GRIK3: variants seen among roughly 807,000 people sequenced by gnomAD.
GRIK3 encodes glutamate receptor ionotropic, kainate 3.
Under a neutral mutation model 102.5 loss-of-function variants are expected in GRIK3, and 29 were observed. The observed-to-expected ratio is 0.28, with a 90% CI of 0.21 to 0.39. GRIK3 has a LOEUF of 0.39. GRIK3 is among the 10% of genes least tolerant of loss of function. GRIK3 has a pLI of 1.00. For synonymous variants in GRIK3, 511 were observed against 504.9 expected, an observed-to-expected ratio of 1.01 and a Z score of -0.16; for missense variants, 908 against 1,252.4, an observed-to-expected ratio of 0.73 and a Z score of 4.15.
chr1:36,912,434 C>T (rs533126051), intron 1 of GRIK3, among the ~76,000 whole-genome samples: 1 of 152,188 alleles, frequency 6.6e-6, no homozygotes, highest in East Asian at 1.9e-4. Flanking sequence ...CCCCTCCTCC[C>T]CCCTCTGCTG....
chr1:36,872,269 C>A lies in GRIK3; in HGVS notation c.651G>T (p.Leu217Phe), dbSNP rs755539824. 4.4e-5 allele frequency: 71 copies of A among 1,613,130 alleles called. No individual in the cohort carries two copies. Among genetic ancestry groups the A allele is most frequent in the Non-Finnish European group, 5.4e-5 (64 of 1,179,636 alleles). Residue 217 changes from leucine (L) to phenylalanine (F), a missense_variant, in exon 4 of 16, where the codon TTG becomes TTT. Physicochemically the swap from Leu to Phe is conservative, Grantham distance 22. Coordinates refer to ENST00000373091, the MANE Select transcript of GRIK3 (RefSeq NM_000831.4). This position sits in a 1 kb window ranked among gnomAD's most constrained non-coding sequence, Gnocchi z 5.9. ...CCCGGCCTCGCTTCATCTCCTTGAG[C>A]AAGGGGCGCGAGTCGTCAGAGTCGA... ...LPIDSDDSRP[L>F]LKEMKRGREF...
chr1:37,032,107 A>G (rs1482541028), intron 1 of GRIK3, among the ~76,000 whole-genome samples: 1 of 152,224 alleles, frequency 6.6e-6, no homozygotes, highest in Non-Finnish European at 1.5e-5. Flanking sequence ...TAATTTCATT[A>G]TTACACGCTG....
intron 1 of GRIK3, among the ~76,000 whole-genome samples, chr1:37,011,442 C>T (rs115293312): frequency 1.4e-3 from 212 of 152,352 alleles, no homozygotes; most frequent in Non-Finnish European, 2.5e-3. Context: ...CTCAGTTCAT[C>T]TCTTCCACAA....
Position 36,859,222 on chromosome 1 carries a change from G to T in GRIK3, c.990C>A (p.Val330=). 6.2e-7 allele frequency: 1 copy of T among 1,613,500 alleles called. No homozygotes were observed. ...MTDAALLYDA[V]HIVSVCYQRA... ...GCTGGTAGCACACGGACACGATATG[G>T]ACGGCGTCGTACAGTAAGGCTGCAT... Residue 330 remains valine (V), a synonymous_variant, in exon 7 of 16, where the codon GTC becomes GTA. Coordinates refer to ENST00000373091, the MANE Select transcript of GRIK3 (RefSeq NM_000831.4).
intron 1 of GRIK3, among the ~76,000 whole-genome samples, chr1:36,980,030 T>A (rs1037891722): frequency 6.6e-6 from 1 of 152,214 alleles, no homozygotes. Context: ...CAAGCTCACA[T>A]ATTCCCGAGT....
chr1:37,007,026 G>C (rs1021795129), intron 1 of GRIK3, among the ~76,000 whole-genome samples: 1 of 152,182 alleles, frequency 6.6e-6, no homozygotes, highest in Non-Finnish European at 1.5e-5. Context: ...GCTGTGCAAG[G>C]CTCTTAGATG....
At chr1:36,901,409 A>G (rs1398975852) in intron 1 of GRIK3, among the ~76,000 whole-genome samples, 1 of 152,210 alleles carries the variant, frequency 6.6e-6, no homozygotes, top group Non-Finnish European at 1.5e-5. Context: ...AATCCATTAT[A>G]TCAGTATCAA....
At chr1:36,923,130 G>A (rs886668336) in intron 1 of GRIK3, among the ~76,000 whole-genome samples, 10 of 152,228 alleles carry the variant, frequency 6.6e-5, no homozygotes, top group Non-Finnish European at 1.2e-4. Context: ...CAGTCGAGTG[G>A]CAAAGAAATA....
intron 13 of GRIK3, among the ~76,000 whole-genome samples, chr1:36,809,355 C>T (rs1343893129): frequency 1.3e-5 from 2 of 152,112 alleles, no homozygotes; most frequent in Non-Finnish European, 2.9e-5. Flanking sequence ...ATCCATCTAT[C>T]CAACCATCTA....
rs192551674 is a variant in GRIK3 at position 36,806,035 on chromosome 1, G to A, written c.2314+69C>T. The A allele has an allele frequency of 3.0e-6, 3 of 984,220 alleles. No individual in the cohort carries two copies. Among genetic ancestry groups the A allele is most frequent in the African/African-American group, 1.6e-5 (1 of 62,728 alleles). The allele number at this position is 984,220 out of a possible 1,614,324, so 61.0% of individuals were successfully genotyped here. ...GAATGAGCTGTGAGACGGAGTGTGA[G>A]GGGACGCGGGGGTGGAGCCCTCCCT... On this transcript the variant is annotated intron_variant, in intron 14 of 15. Coordinates refer to ENST00000373091, the MANE Select transcript of GRIK3 (RefSeq NM_000831.4). This position sits in a 1 kb window ranked among gnomAD's most constrained non-coding sequence, Gnocchi z 4.0.
intron 1 of GRIK3, among the ~76,000 whole-genome samples, chr1:36,910,415 C>T (rs1014158163): frequency 6.6e-6 from 1 of 152,272 alleles, no homozygotes; most frequent in Non-Finnish European, 1.5e-5. Context: ...GTTCTCTTTG[C>T]TTCCTGCCAG....
chr1:36,806,216 G>C lies in GRIK3; in HGVS notation c.2202C>G (p.Tyr734Ter). ...EGIQRALTAD[Y>*]ALLMESTTIE... The stretch of plus-strand genomic sequence containing the variant: ...TGGTGGTGGACTCCATGAGCAGCGC[G>C]TAGTCGGCCGTCAGGGCCCTCTGGA... The change falls in exon 14 of 16, where the codon TAC (tyrosine) becomes TAG (stop). Residue 734 changes from tyrosine to a stop codon, truncating the protein, a stop_gained. Coordinates refer to ENST00000373091, the MANE Select transcript of GRIK3 (RefSeq NM_000831.4). LOFTEE classifies it high-confidence loss of function. The surrounding 1 kb of genome is among the most constrained non-coding windows in gnomAD (Gnocchi z 4.0). The C allele has an allele frequency of 6.2e-7, 1 of 1,614,040 alleles. No homozygotes were observed. Among genetic ancestry groups the C allele is most frequent in the South Asian group, 1.1e-5 (1 of 91,088 alleles).
At chr1:36,893,469 A>G (rs1025702537) in intron 1 of GRIK3, among the ~76,000 whole-genome samples, 3 of 152,262 alleles carry the variant, frequency 2.0e-5, no homozygotes, top group Admixed American at 6.5e-5. Context: ...AAATAAACTC[A>G]ATTTAAACCA....
intron 1 of GRIK3, among the ~76,000 whole-genome samples, chr1:36,892,599 C>T (rs536488522): frequency 1.3e-5 from 2 of 151,018 alleles, no homozygotes; most frequent in Admixed American, 6.6e-5. Flanking sequence ...GTAAAGTTCA[C>T]GTGTAGAGGT....
intron 1 of GRIK3, among the ~76,000 whole-genome samples, chr1:36,906,954 A>C (rs1570791692): frequency 6.6e-6 from 1 of 152,222 alleles, no homozygotes; most frequent in East Asian, 1.9e-4. Context: ...AAGATGATGA[A>C]TATCCTAAGT....
rs371692662 is a variant in GRIK3, at chr1:36,841,816, G to A, written c.1450C>T (p.Arg484Trp). ...AHILGFSYEI[R>W]LVEDGKYGAQ... is the part of the protein sequence containing the mutation. ...CCGTACTTGCCGTCCTCCACCAGCCGGATCTCATAGGAGAAACCAAGGATG... is the reference window on the plus strand; with the variant it reads ...CCGTACTTGCCGTCCTCCACCAGCCAGATCTCATAGGAGAAACCAAGGATG... The change falls in exon 10 of 16, where the codon CGG (arginine) becomes TGG (tryptophan). Residue 484 changes from arginine (R) to tryptophan (W), a missense_variant. Physicochemically the swap from Arg to Trp is moderately radical, Grantham distance 101. Coordinates refer to ENST00000373091, the MANE Select transcript of GRIK3 (RefSeq NM_000831.4). 10 of 1,614,128 alleles carry A rather than the reference G, an allele frequency of 6.2e-6. No individual in the cohort carries two copies. The East Asian group carries it at 6.7e-5, about 11-fold the overall frequency.
chr1:36,955,517 A>G (rs1396793729), intron 1 of GRIK3, among the ~76,000 whole-genome samples: 1 of 152,170 alleles, frequency 6.6e-6, no homozygotes, highest in Non-Finnish European at 1.5e-5. Flanking sequence ...GACACAGCAC[A>G]CACAGACATA....
chr1:37,030,848 G>A (rs1642819568), intron 1 of GRIK3, among the ~76,000 whole-genome samples: 1 of 152,088 alleles, frequency 6.6e-6, no homozygotes, highest in African/African-American at 2.4e-5. Context: ...AACCATTAAG[G>A]CCAACCAAAT....
In GRIK3 at chr1:36,911,026, C is replaced by T. The variant is rs546461926; in HGVS notation, c.116-19930G>A. Among the ~76,000 whole-genome samples, 6 of 152,202 alleles carry T rather than the reference C, an allele frequency of 3.9e-5. No individual in the cohort carries two copies. In the East Asian group the frequency reaches 5.8e-4, roughly 15 times the overall value. ...TGGGGGAGGCAGCACCTGACCTGCT[C>T]GGAGCTGAGCTGTGGAAGGAACACA... On this transcript the variant is annotated intron_variant, in intron 1 of 15. Coordinates refer to ENST00000373091, the MANE Select transcript of GRIK3 (RefSeq NM_000831.4).
Sources: gnomAD v4.1 joint callset for allele counts (sites outside exome capture counted in the v4.1 genomes callset) on GRCh38, gnomAD v4.1.1 for gene constraint, Gnocchi (gnomAD v3.1) non-coding constraint, MANE v1.5 for transcripts, NCBI Gene and HGNC (gene_info 2026-07-23, HGNC 2026-07-21) for gene names.